The following SAMD8 variants were observed in gnomAD, a reference collection of about 807,000 sequenced individuals.
The protein encoded by SAMD8 is sphingomyelin synthase-related protein 1.
In SAMD8, 20 loss-of-function variants were observed where a neutral mutation model predicts 42.0. The observed-to-expected ratio is 0.48, with a 90% CI of 0.34 to 0.69. The LOEUF (loss-of-function observed/expected upper bound fraction) is 0.69. Among genes scored for constraint, SAMD8 ranks in the 30% least tolerant of loss-of-function variants. The probability of loss-of-function intolerance (pLI) is 0.01; values close to 1 mark genes in which losing one functional copy is unlikely to be tolerated. For synonymous variants in SAMD8, 162 were observed against 173.0 expected (o/e 0.94, Z 0.50); for missense variants, 328 against 511.6 (o/e 0.64, Z 3.46).
intron 2 of SAMD8, among the ~76,000 whole-genome samples, chr10:75,152,809 T>G (rs1368244311): frequency 6.6e-6 from 1 of 152,154 alleles, no homozygotes; most frequent in East Asian, 1.9e-4. Flanking sequence ...GAGGTTACAG[T>G]GAGCTATAGT....
At chr10:75,126,137 A>G (rs1250320376) in intron 1 of SAMD8, among the ~76,000 whole-genome samples, 3 of 151,930 alleles carry the variant, frequency 2.0e-5, no homozygotes, top group Non-Finnish European at 4.4e-5. Flanking sequence ...AATTTTTGCT[A>G]TTGTACTTTA....
intron 1 of SAMD8, among the ~76,000 whole-genome samples, chr10:75,112,258 A>C (rs2134410831): frequency 6.6e-6 from 1 of 152,228 alleles, no homozygotes; most frequent in East Asian, 1.9e-4. Flanking sequence ...GGCAGGATTT[A>C]GGTTTGACTA....
At chr10:75,134,369 T>C (rs1190376904) in intron 1 of SAMD8, among the ~76,000 whole-genome samples, 8 of 152,190 alleles carry the variant, frequency 5.3e-5, no homozygotes, top group Admixed American at 5.2e-4. Flanking sequence ...GCGCAGTGGC[T>C]CATGCCTGTA....
Position 75,158,756 on chromosome 10 carries a change from C to G in SAMD8, c.579-5889C>G, listed in dbSNP as rs530894728. On this transcript the variant is annotated intron_variant, in intron 2 of 5. Coordinates refer to ENST00000542569, the MANE Select transcript of SAMD8 (RefSeq NM_001174156.2). ...TCCTTTCTCCAGACCCTAGCAACCACTAATCTACTTTGTTTCTATGAATTT... is the reference window on the plus strand; with the variant it reads ...TCCTTTCTCCAGACCCTAGCAACCAGTAATCTACTTTGTTTCTATGAATTT... Among the ~76,000 whole-genome samples the G allele has an allele frequency of 2.1e-4, 32 of 152,300 alleles. 1 individual carries two copies. Among genetic ancestry groups the G allele is most frequent in the Admixed American group, 9.8e-4 (15 of 15,288 alleles).
chr10:75,114,791 C>A (rs185631809), intron 1 of SAMD8, among the ~76,000 whole-genome samples: 1 of 152,252 alleles, frequency 6.6e-6, no homozygotes, highest in Admixed American at 6.5e-5. Flanking sequence ...GATTCTACCC[C>A]CTTCATTTTT....
intron 1 of SAMD8, among the ~76,000 whole-genome samples, chr10:75,130,773 G>A (rs1233876375): frequency 1.3e-5 from 2 of 151,948 alleles, no homozygotes; most frequent in Non-Finnish European, 2.9e-5. Flanking sequence ...ATCCTGGCTC[G>A]GACAATTTCA....
chr10:75,108,314 A>C (rs756820279), upstream of SAMD8: 14 of 1,479,452 alleles, frequency 9.5e-6, no homozygotes, highest in Non-Finnish European at 1.2e-5. Context: ...TAGGGTCCAA[A>C]GAGAGTCCAA....
intron 1 of SAMD8, chr10:75,102,022 C>T: frequency 8.0e-7 from 1 of 1,252,594 alleles, no homozygotes; most frequent in Non-Finnish European, 1.1e-6. Context: ...TCCAGCCTCC[C>T]CTGCCACTCC....
chr10:75,102,026 C>T, intron 1 of SAMD8: 2 of 1,229,970 alleles, frequency 1.6e-6, no homozygotes, highest in South Asian at 1.2e-5. Context: ...GCCTCCCCTG[C>T]CACTCCCAAC....
rs1003773535 is a variant in SAMD8, at chr10:75,151,174, T to C, written c.578+68T>C. The C allele has an allele frequency of 6.6e-6, 5 of 763,338 alleles. No homozygotes were observed. In the African/African-American group the frequency reaches 9.0e-5, roughly 14 times the overall value. The allele number at this position is 763,338 out of a possible 1,614,324, so 47.3% of individuals were successfully genotyped here. A position where few individuals can be genotyped will look rare whatever the true frequency, so the allele number is the denominator to read the frequency against. On this transcript the variant is annotated intron_variant, in intron 2 of 5. Transcript: ENST00000542569. ...TAATTAACAGCAATGATACTATATT[T>C]ATGATAATTATATTGTTTCTTATTG...
chr10:75,162,880 C>T (rs1037232628), intron 2 of SAMD8, among the ~76,000 whole-genome samples: 1 of 152,050 alleles, frequency 6.6e-6, no homozygotes, highest in Non-Finnish European at 1.5e-5. Context: ...AATTTATTAG[C>T]TCCAGAGAAT....
chr10:75,135,060 C>A (rs1268416189), intron 1 of SAMD8, among the ~76,000 whole-genome samples: 1 of 151,600 alleles, frequency 6.6e-6, no homozygotes, highest in African/African-American at 2.4e-5. Context: ...GACCCTGTCT[C>A]TAGAAAAAAA....
rs1215833615 is a variant in SAMD8 at position 75,150,795 on chromosome 10, C to T, written c.267C>T (p.Asn89=). 6.2e-7 allele frequency: 1 copy of T among 1,614,200 alleles called. No individual in the cohort carries two copies. The highest frequency in any genetic ancestry group is 1.7e-5 in the Admixed American group (1 of 60,020). ...ATGTTTTAGAAGAGATGGGCTACAA[C>T]AGTGACAGTCCCATGGGTTCCATGA... ...HIDVLEEMGY[N]SDSPMGSMTP... is the part of the protein sequence containing the mutation. The change falls in exon 2 of 6, where the codon AAC becomes AAT. Residue 89 remains asparagine, a synonymous_variant. Coordinates refer to ENST00000542569, the MANE Select transcript of SAMD8 (RefSeq NM_001174156.2).
Position 75,168,614 on chromosome 10 carries a change from A to T in SAMD8, c.748A>T (p.Thr250Ser). ...FLLRCFTMFV[T>S]SLSVPGQHLQ... ...GCTTCGCTGCTTTACCATGTTTGTG[A>T]CCTCCCTCTCCGTGCCAGGACAACA... The change falls in exon 4 of 6, where the codon ACC becomes TCC. Residue 250 changes from threonine to serine, a missense_variant. Coordinates refer to ENST00000542569, the MANE Select transcript of SAMD8 (RefSeq NM_001174156.2). 6.2e-7 allele frequency: 1 copy of T among 1,613,578 alleles called. No individual in the cohort carries two copies. The highest frequency in any genetic ancestry group is 1.1e-5 in the South Asian group (1 of 91,052).
At chr10:75,105,279 C>G (rs905873971) in intron 1 of SAMD8, among the ~76,000 whole-genome samples, 1 of 152,148 alleles carries the variant, frequency 6.6e-6, no homozygotes, top group Admixed American at 6.5e-5. Flanking sequence ...AGGGGAGCCC[C>G]CACAGGCTTT....
Position 75,181,525 on chromosome 10 carries a change from A to AT in SAMD8, c.*4834dup, listed in dbSNP as rs1363374551. The AT allele has an allele frequency of 1.3e-5, 2 of 152,250 alleles. No homozygotes were observed. The highest frequency in any genetic ancestry group is 2.1e-4 in the South Asian group (1 of 4,836). The allele number at this position is 152,250 out of a possible 1,614,324, so 9.4% of individuals were successfully genotyped here. A position where few individuals can be genotyped will look rare whatever the true frequency, so the allele number is the denominator to read the frequency against. On this transcript the variant is annotated 3_prime_UTR_variant, in exon 6 of 6. Coordinates refer to ENST00000542569, the MANE Select transcript of SAMD8 (RefSeq NM_001174156.2). ...CAAATATCTCTGAAATCTGTAAGCC[A>AT]TATTTCAGCTATTCTGGTTTTTATA...
At chr10:75,141,999 T>C (rs923508424) in intron 1 of SAMD8, among the ~76,000 whole-genome samples, 2 of 151,984 alleles carry the variant, frequency 1.3e-5, no homozygotes, top group African/African-American at 4.8e-5. Flanking sequence ...AGAAAGAGTC[T>C]CACTCTGTTG....
chr10:75,149,448 A>G (rs1475087388), intron 1 of SAMD8, among the ~76,000 whole-genome samples: 1 of 152,224 alleles, frequency 6.6e-6, no homozygotes, highest in Admixed American at 6.5e-5. Context: ...AAAGTCCGTG[A>G]TAGTTTAAGA....
At chr10:75,173,978 A>G (rs1384455025) in intron 4 of SAMD8, among the ~76,000 whole-genome samples, 1 of 152,260 alleles carries the variant, frequency 6.6e-6, no homozygotes, top group Non-Finnish European at 1.5e-5. Flanking sequence ...GCAGTAACAT[A>G]TAAAGCACTT....
Sources: gnomAD v4.1 joint callset for allele counts (sites outside exome capture counted in the v4.1 genomes callset) on GRCh38, gnomAD v4.1.1 for gene constraint, MANE v1.5 for transcripts, NCBI Gene and HGNC (gene_info 2026-07-23, HGNC 2026-07-21) for gene names.